Variants in TBC1D5 observed in about 807,000 individuals in gnomAD.
TBC1D5 encodes the protein TBC1 domain family, member 5.
Under a neutral mutation model 100.3 loss-of-function variants are expected in TBC1D5, and 75 were observed. The observed-to-expected ratio is 0.75, with a 90% confidence interval of 0.62 to 0.91. The LOEUF (loss-of-function observed/expected upper bound fraction) is 0.91, where lower values mean the gene tolerates loss of function less well. Among genes scored for constraint, TBC1D5 ranks in the 40% least tolerant of loss-of-function variants. The pLI is 0.00. For missense variants in TBC1D5, 910 were observed against 942.4 expected (o/e 0.97, Z 0.45); for synonymous variants, 323 against 325.6 (o/e 0.99, Z 0.09).
At chr3:17,554,887 G>C (rs1051081926) in intron 2 of TBC1D5, among the ~76,000 whole-genome samples, 4 of 147,908 alleles carry the variant, frequency 2.7e-5, no homozygotes, top group Non-Finnish European at 5.9e-5. Context: ...GTCTCACTCT[G>C]TCGCCAGGCT....
chr3:17,673,932 T>A (rs2068288865), intron 1 of TBC1D5, among the ~76,000 whole-genome samples: 1 of 152,184 alleles, frequency 6.6e-6, no homozygotes, highest in Non-Finnish European at 1.5e-5. Flanking sequence ...GATACTCTCA[T>A]CAAGGGGCTT....
intron 14 of TBC1D5, among the ~76,000 whole-genome samples, chr3:17,302,727 T>G (rs1371917396): frequency 6.6e-6 from 1 of 152,174 alleles, no homozygotes; most frequent in African/African-American, 2.4e-5. Flanking sequence ...AAGGAAGGCA[T>G]GTCATCACGG....
intron 15 of TBC1D5, among the ~76,000 whole-genome samples, chr3:17,274,367 G>C (rs1201262425): frequency 6.6e-6 from 1 of 152,100 alleles, no homozygotes; most frequent in Non-Finnish European, 1.5e-5. Flanking sequence ...TTAGTCTCTG[G>C]AACTCAAATA....
chr3:17,539,463 T>C (rs996580265), intron 2 of TBC1D5, among the ~76,000 whole-genome samples: 3 of 152,238 alleles, frequency 2.0e-5, no homozygotes, highest in African/African-American at 7.2e-5. Flanking sequence ...TTTTTAAATA[T>C]GTCAAAGGAA....
At chr3:17,308,200 C>A in intron 13 of TBC1D5, 66 bp from the exon 14 acceptor site, 1 of 1,440,452 alleles carries the variant, frequency 6.9e-7, no homozygotes, top group Admixed American at 3.0e-5. Context: ...ATCATTTTCT[C>A]AAGTAACTGT....
At chr3:17,296,978 AATAAGAGATCAAGCAATAAC>A (rs1475932252) in intron 14 of TBC1D5, among the ~76,000 whole-genome samples, 1 of 152,240 alleles carries the variant, frequency 6.6e-6, no homozygotes, top group African/African-American at 2.4e-5. Flanking sequence ...AATCTCATTT[AATAAGAGATCAAGCAATAAC>A]ATAAGAGATC....
At chr3:17,403,083 T>G (rs1337341793) in intron 8 of TBC1D5, 98 bp downstream of exon 8, 2 of 992,216 alleles carry the variant, frequency 2.0e-6, no homozygotes, top group Non-Finnish European at 2.9e-6. Flanking sequence ...AATACTGCAT[T>G]CAATTAAGTT....
chr3:17,214,079 A>C, intron 18 of TBC1D5, 128 bp downstream of exon 19: 1 of 888,342 alleles, frequency 1.1e-6, no homozygotes, highest in Non-Finnish European at 1.6e-6. Flanking sequence ...CTTTTGATAA[A>C]ATAATTCCTT....
intron 14 of TBC1D5, among the ~76,000 whole-genome samples, chr3:17,293,428 AT>A (rs1256541557): frequency 3.3e-5 from 5 of 152,224 alleles, no homozygotes; most frequent in Non-Finnish European, 7.4e-5. Flanking sequence ...AGGCAGGAAA[AT>A]TTTGTGGAAA....
chr3:17,711,934 TCTTTA>T (rs1329691739), intron 1 of TBC1D5, among the ~76,000 whole-genome samples: 8 of 152,356 alleles, frequency 5.3e-5, no homozygotes, highest in Non-Finnish European at 1.0e-4. Context: ...TGCCAAACTG[TCTTTA>T]CTTTATTACA....
intron 1 of TBC1D5, among the ~76,000 whole-genome samples, chr3:17,671,703 T>C (rs1268228126): frequency 6.6e-6 from 1 of 152,144 alleles, no homozygotes; most frequent in African/African-American, 2.4e-5. Context: ...AATGTGATAA[T>C]GATGTTAAAA....
intron 13 of TBC1D5, among the ~76,000 whole-genome samples, chr3:17,366,487 T>C (rs994587124): frequency 5.3e-5 from 8 of 152,076 alleles, no homozygotes; most frequent in Admixed American, 3.3e-4. Flanking sequence ...ACTCCTACTT[T>C]CTGAAAAATA....
At chr3:17,210,226 C>T (rs898208206) in intron 18 of TBC1D5, among the ~76,000 whole-genome samples, 4 of 149,208 alleles carry the variant, frequency 2.7e-5, no homozygotes, top group African/African-American at 9.9e-5. Flanking sequence ...CTTGCTCTGT[C>T]GCCCAGGCCT....
chr3:17,560,867 G>A (rs1036229222), intron 2 of TBC1D5, among the ~76,000 whole-genome samples: 10 of 151,534 alleles, frequency 6.6e-5, no homozygotes, highest in African/African-American at 2.4e-4. Context: ...GTTGCAGTGA[G>A]CAGAGATTAC....
At chr3:17,485,400 T>C (rs989401175) in intron 3 of TBC1D5, among the ~76,000 whole-genome samples, 4 of 151,770 alleles carry the variant, frequency 2.6e-5, no homozygotes, top group Non-Finnish European at 5.9e-5. Context: ...TAGTTACATA[T>C]GTATACATGT....
At chr3:17,457,456 C>A (rs2095113237) in intron 3 of TBC1D5, among the ~76,000 whole-genome samples, 1 of 152,166 alleles carries the variant, frequency 6.6e-6, no homozygotes, top group African/African-American at 2.4e-5. Context: ...ACTGATGACC[C>A]TGACATAGCC....
At chr3:17,582,591 G>A (rs2096705812) in intron 2 of TBC1D5, among the ~76,000 whole-genome samples, 2 of 151,464 alleles carry the variant, frequency 1.3e-5, no homozygotes, top group African/African-American at 2.4e-5. Flanking sequence ...GGAGGTTGAG[G>A]TTGAGAAATG....
intron 13 of TBC1D5, among the ~76,000 whole-genome samples, chr3:17,335,341 T>C (rs904133519): frequency 3.3e-5 from 5 of 152,158 alleles, no homozygotes; most frequent in African/African-American, 1.2e-4. Flanking sequence ...GTATATTTTA[T>C]AGGTGACACC....
At chr3:17,254,137 T>C (rs889960239) in intron 16 of TBC1D5, among the ~76,000 whole-genome samples, 1 of 152,236 alleles carries the variant, frequency 6.6e-6, no homozygotes, top group Admixed American at 6.5e-5. Flanking sequence ...TTTCCAGATT[T>C]GGGGTATTAT....
Sources: allele counts gnomAD v4.1 joint callset (sites outside exome capture counted in the v4.1 genomes callset), GRCh38; gene constraint gnomAD v4.1.1; transcripts MANE v1.5; gene names NCBI Gene and HGNC (gene_info 2026-07-23, HGNC 2026-07-21).